FBLIM1: variants seen among roughly 807,000 people sequenced by gnomAD.
FBLIM1 encodes filamin binding LIM protein 1, also known as filamin-binding LIM protein 1.
Under a neutral mutation model 37.4 loss-of-function variants are expected in FBLIM1, and 29 were observed. The ratio of observed to expected loss-of-function variants is 0.77; its 90% CI spans 0.58 to 1.06. The LOEUF is 1.06. Among genes scored for constraint, FBLIM1 ranks in the 50% least tolerant of loss-of-function variants. The probability of loss-of-function intolerance (pLI) is 0.00; values close to 1 mark genes in which losing one functional copy is unlikely to be tolerated. For missense variants in FBLIM1, 449 were observed against 505.6 expected (o/e 0.89, Z 1.07); for synonymous variants, 193 against 199.0 (o/e 0.97, Z 0.25).
At chr1:15,764,800 G>A (rs2068836631) in intron 2 of FBLIM1, 115 bp downstream of exon 2, 1 of 867,630 alleles carries the variant, frequency 1.2e-6, no homozygotes, top group African/African-American at 1.7e-5. Flanking sequence ...TCCCCAGCAG[G>A]ACACCCCCAC....
At chr1:15,766,823 CCT>C (rs2068945804) in intron 3 of FBLIM1, among the ~76,000 whole-genome samples, 1 of 151,640 alleles carries the variant, frequency 6.6e-6, no homozygotes. Context: ...AAACTTCCAA[CCT>C]CAGGTGATCT....
At chr1:15,770,669 A>G (rs771226161) in intron 6 of FBLIM1, 91 bp downstream of exon 6, 19 of 1,434,500 alleles carry the variant, frequency 1.3e-5, no homozygotes, top group Non-Finnish European at 1.7e-5. Context: ...AGTCCTGGGA[A>G]GTAGGCACTA....
intron 1 of FBLIM1, among the ~76,000 whole-genome samples, chr1:15,763,775 G>T (rs1461433228): frequency 6.6e-6 from 1 of 151,764 alleles, no homozygotes; most frequent in Non-Finnish European, 1.5e-5. Context: ...AAGTAGCTGG[G>T]ATTACAGGTG....
intron 5 of FBLIM1, among the ~76,000 whole-genome samples, chr1:15,770,042 G>A (rs961891344): frequency 6.6e-6 from 1 of 151,980 alleles, no homozygotes; most frequent in African/African-American, 2.4e-5. Context: ...TGCCTCCTAG[G>A]TTCAAGTGAT....
intron 3 of FBLIM1, 117 bp from the exon 4 acceptor site, chr1:15,767,259 C>A: frequency 2.3e-6 from 2 of 853,938 alleles, no homozygotes; most frequent in Non-Finnish European, 3.5e-6. Flanking sequence ...GGAACCCAGG[C>A]CGGGGTGATC....
intron 8 of FBLIM1, among the ~76,000 whole-genome samples, chr1:15,777,690 A>T (rs986892810): frequency 6.7e-6 from 1 of 149,970 alleles, no homozygotes; most frequent in African/African-American, 2.5e-5. Flanking sequence ...CTCCTGCCTC[A>T]GCCTCCCGAG....
chr1:15,784,746 ACACTTTCCTTC>A lies in FBLIM1; in HGVS notation c.*86_*96del. 8.2e-7 allele frequency: 1 copy of A among 1,213,010 alleles called. No individual in the cohort carries two copies. The allele number at this position is 1,213,010 out of a possible 1,614,324, so 75.1% of individuals were successfully genotyped here. A position where few individuals can be genotyped will look rare whatever the true frequency, so the allele number is the denominator to read the frequency against. On this transcript the variant is annotated 3_prime_UTR_variant, in exon 9 of 9. Coordinates refer to ENST00000375766, the MANE Select transcript of FBLIM1 (RefSeq NM_017556.4). Reference sequence around the variant, plus strand: ...GTTTCCCTTCCTAACCTGCTCTTGCACACTTTCCTTCTGAGCCTCCATGGAGACCAGCCTGC... The same window carrying A: ...GTTTCCCTTCCTAACCTGCTCTTGCATGAGCCTCCATGGAGACCAGCCTGC...
At chr1:15,769,962 C>T (rs2069121946) in intron 5 of FBLIM1, among the ~76,000 whole-genome samples, 1 of 151,196 alleles carries the variant, frequency 6.6e-6, no homozygotes, top group Non-Finnish European at 1.5e-5. Context: ...TATTGTTTTT[C>T]CTGAAACAGA....
intron 7 of FBLIM1, 55 bp from the exon 8 acceptor site, chr1:15,777,115 A>T: frequency 7.0e-7 from 1 of 1,421,918 alleles, no homozygotes; most frequent in Non-Finnish European, 9.8e-7. Context: ...ACAGCTAATT[A>T]ATTTCTGTGG....
intron 8 of FBLIM1, among the ~76,000 whole-genome samples, chr1:15,781,520 CAA>C (rs1283687524): frequency 1.2e-4 from 3 of 25,174 alleles, no homozygotes; most frequent in South Asian, 1.3e-3. Context: ...GACTCTGTCT[CAA>C]AAAAAAAAAA....
chr1:15,776,677 A>G (rs566239364), intron 7 of FBLIM1, among the ~76,000 whole-genome samples: 1 of 33,636 alleles, frequency 3.0e-5, no homozygotes, highest in East Asian at 5.2e-4. Context: ...AGCCTGACCA[A>G]CATGGTGAAA....
At chr1:15,763,105 G>A (rs2068753094) in intron 1 of FBLIM1, among the ~76,000 whole-genome samples, 1 of 149,878 alleles carries the variant, frequency 6.7e-6, no homozygotes, top group South Asian at 2.1e-4. Flanking sequence ...TTTCGCTCTT[G>A]TTGCCCAGGC....
chr1:15,776,894 G>GAA, intron 7 of FBLIM1: 1 of 242,196 alleles, frequency 4.1e-6, no homozygotes, highest in Non-Finnish European at 7.7e-6. Context: ...AAGAAGTACT[G>GAA]AAAAAAAAAC....
At chr1:15,778,438 G>T (rs539863881) in intron 8 of FBLIM1, among the ~76,000 whole-genome samples, 1 of 152,016 alleles carries the variant, frequency 6.6e-6, no homozygotes, top group Non-Finnish European at 1.5e-5. Flanking sequence ...ATCAGCTTTG[G>T]GATAAAGAAG....
intron 7 of FBLIM1, among the ~76,000 whole-genome samples, chr1:15,775,956 A>G (rs534967783): frequency 7.2e-5 from 11 of 152,300 alleles, no homozygotes; most frequent in Admixed American, 1.3e-4. Flanking sequence ...CTTTATGGCC[A>G]GCTCCCAGCA....
At chr1:15,780,349 C>T (rs2069604287) in intron 8 of FBLIM1, among the ~76,000 whole-genome samples, 3 of 152,136 alleles carry the variant, frequency 2.0e-5, no homozygotes, top group Admixed American at 2.0e-4. Context: ...CAGGCTTACA[C>T]CACCATGCCC....
At chr1:15,757,522 C>G (rs746034401), upstream of FBLIM1, among the ~76,000 whole-genome samples, 3 of 152,016 alleles carry the variant, frequency 2.0e-5, no homozygotes, top group Non-Finnish European at 4.4e-5. The surrounding 1 kb of genome is among the most constrained non-coding windows in gnomAD (Gnocchi z 4.1). Context: ...GGAAAAGGGG[C>G]GACAAGAGGG....
chr1:15,770,713 CAGAA>C (rs1416751482), intron 6 of FBLIM1, 135 bp downstream of exon 6: 15 of 1,118,880 alleles, frequency 1.3e-5, no homozygotes, highest in East Asian at 2.6e-5. Context: ...AACTGAGGCT[CAGAA>C]AGAAGGAGCC....
At chr1:15,767,264 G>A (rs1294616910) in intron 3 of FBLIM1, 112 bp from the exon 4 acceptor site, 3 of 925,738 alleles carry the variant, frequency 3.2e-6, no homozygotes, top group Non-Finnish European at 4.8e-6. Flanking sequence ...CCAGGCCGGG[G>A]TGATCCCGAC....
Sources: gnomAD v4.1 joint callset for allele counts (sites outside exome capture counted in the v4.1 genomes callset) on GRCh38, gnomAD v4.1.1 for gene constraint, Gnocchi (gnomAD v3.1) non-coding constraint, MANE v1.5 for transcripts, NCBI Gene and HGNC (gene_info 2026-07-23, HGNC 2026-07-21) for gene names.